Variants in ALDH18A1 observed in about 807,000 individuals in gnomAD.
The protein encoded by ALDH18A1 is delta-1-pyrroline-5-carboxylate synthase.
ALDH18A1 carries 44 observed loss-of-function variants against 88.8 expected under a neutral mutation model. The ratio of observed to expected loss-of-function variants is 0.50; its 90% CI spans 0.39 to 0.64. ALDH18A1 has a LOEUF of 0.64. Ranked by LOEUF, ALDH18A1 falls within the 30% of genes least tolerant of loss-of-function variation. The pLI is 0.00. For synonymous variants in ALDH18A1, 331 were observed against 372.1 expected, an observed-to-expected ratio of 0.89 and a Z score of 1.27; for missense variants, 782 against 1,009.5, an observed-to-expected ratio of 0.77 and a Z score of 3.05.
intron 11 of ALDH18A1, among the ~76,000 whole-genome samples, chr10:95,622,136 C>A (rs754370810): frequency 3.4e-4 from 51 of 152,152 alleles, no homozygotes; most frequent in Non-Finnish European, 6.2e-4. Flanking sequence ...AAGATGTTTT[C>A]TTCTAAAATA....
rs775201668 is a variant in ALDH18A1 at position 95,626,744 on chromosome 10, G to T, written c.1111C>A (p.Arg371=). The change falls in exon 10 of 18, where the codon CGA becomes AGA. Residue 371 remains arginine, a synonymous_variant. Coordinates refer to ENST00000371224, the MANE Select transcript of ALDH18A1 (RefSeq NM_002860.4). ...PTVEQQGEMA[R]SGGRMLATLE... ...GTGGCCAACATCCTTCCTCCAGATC[G>T]CGCCATTTCTCCCTGCTGCTCAACA... 6.2e-7 allele frequency: 1 copy of T among 1,613,870 alleles called. No individual in the cohort carries two copies. The highest frequency in any genetic ancestry group is 1.1e-5 in the South Asian group (1 of 91,070).
chr10:95,630,470 TG>T (rs2139600060), intron 7 of ALDH18A1, among the ~76,000 whole-genome samples: 1 of 152,314 alleles, frequency 6.6e-6, no homozygotes, highest in African/African-American at 2.4e-5. Context: ...CCCAGTGCTT[TG>T]GGAGGCCAAG....
chr10:95,621,109 G>A lies in ALDH18A1; in HGVS notation c.1389C>T (p.Asn463=). 3 of 1,614,106 alleles carry A rather than the reference G, an allele frequency of 1.9e-6. No individual in the cohort carries two copies. In the South Asian group the frequency reaches 3.3e-5, roughly 18 times the overall value. ...GGACAGTCACTTGTTCCAGTTCCAA[G>A]TTTTTGGCGATTCGGGTGCGGCGCA... The part of the protein sequence containing the change: ...RVLRRTRIAK[N]LELEQVTVPI... Residue 463 remains asparagine (N), a synonymous_variant, in exon 12 of 18, where the codon AAC becomes AAT. Coordinates refer to ENST00000371224, the MANE Select transcript of ALDH18A1 (RefSeq NM_002860.4).
intron 1 of ALDH18A1, among the ~76,000 whole-genome samples, chr10:95,655,237 T>C (rs1181584118): frequency 2.0e-5 from 3 of 152,152 alleles, no homozygotes; most frequent in Non-Finnish European, 4.4e-5. Context: ...TAAGCCTCTG[T>C]TTCCTCACTT....
chr10:95,634,193 C>G (rs566237186), intron 5 of ALDH18A1, among the ~76,000 whole-genome samples: 2 of 152,322 alleles, frequency 1.3e-5, no homozygotes, highest in East Asian at 3.9e-4. Context: ...ATTCCAAAAT[C>G]TCATCCATTT....
Position 95,633,037 on chromosome 10 carries a change from T to TA in ALDH18A1, c.729dup (p.Lys244Ter). On this transcript the variant is annotated frameshift_variant, in exon 7 of 18. Transcript: ENST00000371224. LOFTEE classifies it high-confidence loss of function. ...CGGGCAGCCAGGCTATCATTATCTT[T>TA]AACACTAATAACCTAGAATGCAGAT... The TA allele has an allele frequency of 1.2e-6, 2 of 1,613,882 alleles. No individual in the cohort carries two copies. Among genetic ancestry groups the TA allele is most frequent in the Non-Finnish European group, 1.7e-6 (2 of 1,179,736 alleles).
chr10:95,616,305 ACCC>A (rs1253281888), intron 13 of ALDH18A1, among the ~76,000 whole-genome samples, 169 bp downstream of exon 13: 8 of 152,202 alleles, frequency 5.3e-5, no homozygotes, highest in Non-Finnish European at 1.0e-4. Context: ...GCCACTGAGG[ACCC>A]ATCTGGCTCT....
intron 6 of ALDH18A1, 93 bp from the exon 7 acceptor site, chr10:95,633,142 G>T: frequency 8.3e-7 from 1 of 1,205,548 alleles, no homozygotes. Flanking sequence ...GCAAAACCAA[G>T]CTAGGATCAG....
At chr10:95,609,799 ACT>A (rs2097829945) in intron 17 of ALDH18A1, among the ~76,000 whole-genome samples, 1 of 85,328 alleles carries the variant, frequency 1.2e-5, no homozygotes, top group African/African-American at 4.8e-5. Flanking sequence ...ATGGTGTCTC[ACT>A]CTGTCCTCCA....
At position 95,611,171 on chromosome 10, in the gene ALDH18A1, T is replaced by C. The variant is rs558277877; in HGVS notation, c.2110+85A>G. On this transcript the variant is annotated intron_variant, in intron 16 of 17. Coordinates refer to ENST00000371224, the MANE Select transcript of ALDH18A1 (RefSeq NM_002860.4). ...CATAAGCCTACTCAAATGATGTTTT[T>C]CTGCAGCCCAAGGGGGGCTAAGAGG... 7 of 1,524,488 alleles carry C rather than the reference T, an allele frequency of 4.6e-6. No homozygotes were observed. The South Asian group carries it at 5.6e-5, about 12-fold the overall frequency. 94.4% of individuals were successfully genotyped at this position (1,524,488 alleles called of 1,614,324 possible).
At position 95,610,421 on chromosome 10, in the gene ALDH18A1, G is replaced by A. The variant is rs537885854; in HGVS notation, c.2111-129C>T. The stretch of plus-strand genomic sequence containing the variant: ...CTGGGGCCTCTCCATGTGTTCTCAC[G>A]TATTAAATACTCAGGCTTATGAAAA... On this transcript the variant is annotated intron_variant, in intron 16 of 17. Coordinates refer to ENST00000371224, the MANE Select transcript of ALDH18A1 (RefSeq NM_002860.4). The A allele has an allele frequency of 3.2e-5, 25 of 771,974 alleles. No individual in the cohort carries two copies. The East Asian group carries it at 3.6e-4, about 11-fold the overall frequency. The allele number at this position is 771,974 out of a possible 1,614,324, so 47.8% of individuals were successfully genotyped here. A position where few individuals can be genotyped will look rare whatever the true frequency, so the allele number is the denominator to read the frequency against.
intron 15 of ALDH18A1, among the ~76,000 whole-genome samples, chr10:95,612,423 T>C (rs886843970): frequency 2.0e-5 from 3 of 152,204 alleles, no homozygotes; most frequent in Non-Finnish European, 4.4e-5. Context: ...ACAGGGTTCA[T>C]GCCTTGATTC....
intron 16 of ALDH18A1, among the ~76,000 whole-genome samples, chr10:95,610,523 C>T (rs961430651): frequency 1.3e-5 from 2 of 152,190 alleles, no homozygotes; most frequent in African/African-American, 4.8e-5. Context: ...CCAGATCTCC[C>T]ATGCAGGTGA....
rs1211076606 is a variant in ALDH18A1 at position 95,631,684 on chromosome 10, G to A, written c.808+1275C>T. On this transcript the variant is annotated intron_variant, in intron 7 of 17. Transcript: ENST00000371224. ...CTTGAACCTGGGAAGTGGAGGTTGC[G>A]GTGAGCCGATATTGTGCCACTACAC... 5.3e-5 allele frequency among the ~76,000 whole-genome samples: 8 copies of A among 149,936 alleles called. No homozygotes were observed. The South Asian group carries it at 6.4e-4, about 12-fold the overall frequency.
Position 95,632,984 on chromosome 10 carries a change from G to C in ALDH18A1, c.783C>G (p.Leu261=). 1 of 1,614,174 alleles carries C rather than the reference G, an allele frequency of 6.2e-7. No homozygotes were observed. The highest frequency in any genetic ancestry group is 8.5e-7 in the Non-Finnish European group (1 of 1,180,014). The stretch of plus-strand genomic sequence containing the variant: ...CTTCTACATCTGAAAGAACAATCAA[G>C]AGATCAGTTTTCATTTCCACAGCCA... ...ARLAVEMKTD[L]LIVLSDVEGL... is the part of the protein sequence containing the mutation. The change falls in exon 7 of 18, where the codon CTC becomes CTG. Residue 261 remains leucine, a synonymous_variant. Coordinates refer to ENST00000371224, the MANE Select transcript of ALDH18A1 (RefSeq NM_002860.4).
Position 95,606,710 on chromosome 10 carries a change from C to G in ALDH18A1, c.*52G>C. 6.2e-7 allele frequency: 1 copy of G among 1,613,754 alleles called. No individual in the cohort carries two copies. The highest frequency in any genetic ancestry group is 8.5e-7 in the Non-Finnish European group (1 of 1,179,862). On this transcript the variant is annotated 3_prime_UTR_variant, in exon 18 of 18. Transcript: ENST00000371224. ...GAGCGGGCTCTCTCCTGAGATAAGA[C>G]AAGTTTAACGTGAAGACCTTTTGGA...
At chr10:95,611,037 C>T (rs2097833213) in intron 16 of ALDH18A1, among the ~76,000 whole-genome samples, 2 of 152,186 alleles carry the variant, frequency 1.3e-5, no homozygotes, top group South Asian at 4.1e-4. Context: ...TAGTCATCTT[C>T]GAAGCAGAGC....
At chr10:95,640,851 G>T (rs1348997036) in intron 3 of ALDH18A1, among the ~76,000 whole-genome samples, 3 of 152,148 alleles carry the variant, frequency 2.0e-5, no homozygotes, top group Non-Finnish European at 4.4e-5. Flanking sequence ...TTTTCATCAA[G>T]TTTCTCCTCC....
Position 95,641,937 on chromosome 10 carries a change from C to T in ALDH18A1, c.303+1055G>A, listed in dbSNP as rs2097892482. ...GATTACAGGCGCAAGTCACCACACC[C>T]AACCGATTTTATTTTTGTAGAGACA... On this transcript the variant is annotated intron_variant, in intron 3 of 17. Transcript: ENST00000371224. Among the ~76,000 whole-genome samples the T allele has an allele frequency of 3.3e-5, 5 of 152,240 alleles. No individual in the cohort carries two copies. The South Asian group carries it at 1.0e-3, about 32-fold the overall frequency.
Sources: gnomAD v4.1 joint callset for allele counts (sites outside exome capture counted in the v4.1 genomes callset) on GRCh38, gnomAD v4.1.1 for gene constraint, MANE v1.5 for transcripts, NCBI Gene and HGNC (gene_info 2026-07-23, HGNC 2026-07-21) for gene names.